The following SCN3A variants were observed in gnomAD, a reference collection of about 807,000 sequenced individuals.
The protein encoded by SCN3A is sodium voltage-gated channel alpha subunit 3.
A neutral mutation model predicts 187.6 loss-of-function variants in SCN3A; 60 were observed. That is an observed-to-expected ratio of 0.32 (90% CI 0.26 to 0.40). The LOEUF is 0.40. Ranked by LOEUF, SCN3A falls within the 10% of genes least tolerant of loss-of-function variation. The pLI, the probability that SCN3A is intolerant of heterozygous loss-of-function variation, is 1.00. For missense variants in SCN3A, 1,601 were observed against 2,428.2 expected (o/e 0.66, Z 7.16); for synonymous variants, 788 against 829.2 (o/e 0.95, Z 0.85).
chr2:165,188,934 C>T (rs900831167), intron 1 of SCN3A, among the ~76,000 whole-genome samples: 1 of 151,302 alleles, frequency 6.6e-6, no homozygotes, highest in Non-Finnish European at 1.5e-5. Context: ...ATTTTTAATA[C>T]ACTCCCTAAG....
At chr2:165,151,710 A>G (rs879290906) in intron 11 of SCN3A, among the ~76,000 whole-genome samples, 3 of 152,168 alleles carry the variant, frequency 2.0e-5, no homozygotes, top group Admixed American at 1.3e-4. Flanking sequence ...TTCACAAAAC[A>G]GGGTACCACA....
chr2:165,124,663 T>G (rs767630010), intron 18 of SCN3A, among the ~76,000 whole-genome samples: 1 of 152,192 alleles, frequency 6.6e-6, no homozygotes, highest in Non-Finnish European at 1.5e-5. Context: ...ATATCCCAAT[T>G]GAACTCCTTT....
intron 9 of SCN3A, among the ~76,000 whole-genome samples, chr2:165,159,632 G>A (rs1436026676): frequency 7.5e-6 from 1 of 132,730 alleles, no homozygotes; most frequent in African/African-American, 3.1e-5. Context: ...CAAAGTGCTG[G>A]ATTACAGGAA....
At chr2:165,114,148 A>G (rs1057339080) in intron 19 of SCN3A, among the ~76,000 whole-genome samples, 178 bp from the exon 20 acceptor site, 3 of 152,074 alleles carry the variant, frequency 2.0e-5, no homozygotes, top group Non-Finnish European at 4.4e-5. Context: ...TCAGACTTAT[A>G]TACTCAGCCA....
intron 4 of SCN3A, among the ~76,000 whole-genome samples, chr2:165,169,384 TA>T (rs1689974743): frequency 6.6e-6 from 1 of 151,890 alleles, no homozygotes; most frequent in African/African-American, 2.4e-5. Flanking sequence ...TGTTATTTTC[TA>T]GCTTTTTATT....
At chr2:165,187,648 T>C (rs1251720393) in intron 1 of SCN3A, among the ~76,000 whole-genome samples, 1 of 152,158 alleles carries the variant, frequency 6.6e-6, no homozygotes, top group African/African-American at 2.4e-5. Context: ...TCTATTCTGT[T>C]ACCGGAGTGA....
chr2:165,166,146 G>A (rs913516656), intron 5 of SCN3A, among the ~76,000 whole-genome samples: 4 of 152,148 alleles, frequency 2.6e-5, no homozygotes, highest in African/African-American at 9.7e-5. Context: ...TATCTATAGA[G>A]TTACTAGGAA....
At chr2:165,162,479 A>C in intron 8 of SCN3A, 77 bp downstream of exon 8, 1 of 1,600,910 alleles carries the variant, frequency 6.2e-7, no homozygotes, top group Non-Finnish European at 8.6e-7. Flanking sequence ...AGGTGGCTGT[A>C]CACCCACAGT....
intron 1 of SCN3A, among the ~76,000 whole-genome samples, chr2:165,192,267 T>C (rs1691660490): frequency 6.6e-6 from 1 of 152,076 alleles, no homozygotes; most frequent in African/African-American, 2.4e-5. Flanking sequence ...TACTAGACTC[T>C]CTTGAAAACA....
At chr2:165,144,188 A>G (rs190402359) in intron 12 of SCN3A, among the ~76,000 whole-genome samples, 2 of 152,194 alleles carry the variant, frequency 1.3e-5, no homozygotes, top group Admixed American at 6.5e-5. Flanking sequence ...TCTTTCTACC[A>G]GATTCCTTTT....
At position 165,170,463 on chromosome 2, in the gene SCN3A, A is replaced by G. The variant is rs2105910540; in HGVS notation, c.350T>C (p.Val117Ala). Residue 117 changes from valine to alanine, a missense_variant, in exon 4 of 28, where the codon GTT becomes GCT. Coordinates refer to ENST00000283254, the MANE Select transcript of SCN3A (RefSeq NM_006922.4). Reference sequence around the variant, plus strand: ...CAAAATCTTGATAGCAATTTTCCTAACAGGGTTTAGTGGAGTTAAAATATA... The same window carrying G: ...CAAAATCTTGATAGCAATTTTCCTAGCAGGGTTTAGTGGAGTTAAAATATA... Reference protein sequence around the residue: ...ALYILTPLNPVRKIAIKILVH... With the variant: ...ALYILTPLNPARKIAIKILVH... The G allele has an allele frequency of 6.2e-7, 1 of 1,610,862 alleles. No individual in the cohort carries two copies. Among genetic ancestry groups the G allele is most frequent in the South Asian group, 1.1e-5 (1 of 90,954 alleles).
intron 3 of SCN3A, among the ~76,000 whole-genome samples, chr2:165,173,125 C>T (rs1690217152): frequency 6.6e-6 from 1 of 152,128 alleles, no homozygotes; most frequent in Non-Finnish European, 1.5e-5. Flanking sequence ...CTTAGATGCA[C>T]ATCTTATAAG....
intron 2 of SCN3A, among the ~76,000 whole-genome samples, chr2:165,182,216 G>C (rs562847639): frequency 3.9e-4 from 60 of 152,272 alleles, no homozygotes; most frequent in African/African-American, 1.4e-3. Flanking sequence ...GAGAACAACT[G>C]CCCTAGAAGA....
At chr2:165,190,597 TAACTTTATATATATATATATAA>T (rs1156627973) in intron 1 of SCN3A, among the ~76,000 whole-genome samples, 2 of 141,326 alleles carry the variant, frequency 1.4e-5, no homozygotes, top group African/African-American at 5.7e-5. Flanking sequence ...TATATATATA[TAACTTTATATATATATATATAA>T]AACTTTGCAT....
Position 165,092,244 on chromosome 2 carries a change from C to G in SCN3A, c.4807+10G>C. On this transcript the variant is annotated intron_variant, in intron 27 of 27. Coordinates refer to ENST00000283254, the MANE Select transcript of SCN3A (RefSeq NM_006922.4). This position sits in a 1 kb window ranked among gnomAD's most constrained non-coding sequence, Gnocchi z 4.2. ...GTAACTATACCTCTTGGTAATTAAG[C>G]TGTTCTTACCTACAATGGAGAGAAT... 1 of 1,613,364 alleles carries G rather than the reference C, an allele frequency of 6.2e-7. No homozygotes were observed. Among genetic ancestry groups the G allele is most frequent in the Non-Finnish European group, 8.5e-7 (1 of 1,179,356 alleles).
chr2:165,119,541 TA>T (rs1356163400), intron 18 of SCN3A, among the ~76,000 whole-genome samples: 3 of 152,174 alleles, frequency 2.0e-5, no homozygotes, highest in Non-Finnish European at 4.4e-5. Flanking sequence ...GATACATATC[TA>T]TACTATATGC....
Position 165,192,640 on chromosome 2 carries a change from A to G in SCN3A, c.-247-5893T>C, listed in dbSNP as rs770941740. 6.0e-4 allele frequency among the ~76,000 whole-genome samples: 91 copies of G among 152,226 alleles called. 1 individual carries two copies. Among genetic ancestry groups the G allele is most frequent in the South Asian group, 1.2e-3 (6 of 4,826 alleles). On this transcript the variant is annotated intron_variant, in intron 1 of 27. Coordinates refer to ENST00000283254, the MANE Select transcript of SCN3A (RefSeq NM_006922.4). Reference sequence around the variant, plus strand: ...ATACTCTGTATATTTCCATTCCTTAAAAGACCTCAGCCTCTGACATCTGGC... The same window carrying G: ...ATACTCTGTATATTTCCATTCCTTAGAAGACCTCAGCCTCTGACATCTGGC...
intron 21 of SCN3A, among the ~76,000 whole-genome samples, chr2:165,108,128 G>C (rs955487668): frequency 2.6e-5 from 4 of 152,010 alleles, no homozygotes; most frequent in South Asian, 2.1e-4. Flanking sequence ...ATTAAATCAG[G>C]GTAGTAATTT....
chr2:165,148,359 T>C (rs974054174), intron 11 of SCN3A, among the ~76,000 whole-genome samples: 2 of 152,066 alleles, frequency 1.3e-5, no homozygotes, highest in Non-Finnish European at 2.9e-5. Flanking sequence ...TAAAAGACTG[T>C]CATAACAGTC....
Sources: gnomAD v4.1 joint callset for allele counts (sites outside exome capture counted in the v4.1 genomes callset) on GRCh38, gnomAD v4.1.1 for gene constraint, Gnocchi (gnomAD v3.1) non-coding constraint, MANE v1.5 for transcripts, NCBI Gene and HGNC (gene_info 2026-07-23, HGNC 2026-07-21) for gene names.